Variants in WIF1 observed in about 807,000 individuals in gnomAD.
WIF1 encodes Wnt inhibitory factor 1.
Under a neutral mutation model 53.5 loss-of-function variants are expected in WIF1, and 35 were observed. That is an observed-to-expected ratio of 0.65 (90% CI 0.50 to 0.87). WIF1 has a LOEUF of 0.87. WIF1 is among the 40% of genes least tolerant of loss of function. The pLI, the probability that WIF1 is intolerant of heterozygous loss-of-function variation, is 0.00. For missense variants in WIF1, 467 were observed against 476.8 expected (o/e 0.98, Z 0.19); for synonymous variants, 171 against 170.4 (o/e 1.00, Z -0.03).
At position 65,121,151 on chromosome 12, in the gene WIF1, A is replaced by T; in HGVS notation, c.41T>A (p.Leu14His). ...RSAFPAAALW[L>H]WSILLCLLAL... ...CAGCAGGCACAGGAGGATGCTCCAGAGCCAGAGCGCGGCGGCAGGGAAGGC... is the reference window on the plus strand; with the variant it reads ...CAGCAGGCACAGGAGGATGCTCCAGTGCCAGAGCGCGGCGGCAGGGAAGGC... The change falls in exon 1 of 10, where the codon CTC becomes CAC. Residue 14 changes from leucine to histidine, a missense_variant. Physicochemically the swap from Leu to His is moderately conservative, Grantham distance 99. Coordinates refer to ENST00000286574, the MANE Select transcript of WIF1 (RefSeq NM_007191.5). 6.5e-7 allele frequency: 1 copy of T among 1,548,554 alleles called. No individual in the cohort carries two copies. Among genetic ancestry groups the T allele is most frequent in the Middle Eastern group, 1.8e-4 (1 of 5,686 alleles).
chr12:65,074,718 T>C (rs1592392311), intron 3 of WIF1, among the ~76,000 whole-genome samples: 1 of 140,898 alleles, frequency 7.1e-6, no homozygotes, highest in Admixed American at 8.0e-5. Context: ...CTCAGGAGGC[T>C]GAGGTGAAGA....
chr12:65,078,889 G>T (rs376574741), intron 2 of WIF1, among the ~76,000 whole-genome samples: 5 of 152,274 alleles, frequency 3.3e-5, no homozygotes, highest in African/African-American at 9.6e-5. Context: ...TGAAGGCCAG[G>T]CACGGTGGCT....
chr12:65,101,720 C>G (rs1020872856), intron 2 of WIF1, among the ~76,000 whole-genome samples: 1 of 151,964 alleles, frequency 6.6e-6, no homozygotes, highest in Non-Finnish European at 1.5e-5. Context: ...AATAAAAAAC[C>G]CTTATAATTT....
intron 3 of WIF1, among the ~76,000 whole-genome samples, chr12:65,071,860 C>G (rs1219117385): frequency 6.6e-6 from 1 of 152,074 alleles, no homozygotes; most frequent in Non-Finnish European, 1.5e-5. Context: ...TTATTTTTTT[C>G]ACTGAGGACA....
intron 2 of WIF1, among the ~76,000 whole-genome samples, chr12:65,102,864 T>C (rs1883302329): frequency 1.3e-5 from 2 of 152,182 alleles, no homozygotes; most frequent in Admixed American, 6.5e-5. Flanking sequence ...TGGACAACTA[T>C]CTATAACCAA....
At chr12:65,062,628 C>T in intron 6 of WIF1, 52 bp from the exon 7 acceptor site, 1 of 1,500,018 alleles carries the variant, frequency 6.7e-7, no homozygotes, top group South Asian at 1.2e-5. Flanking sequence ...TTAAATCTAA[C>T]ACAAATTTCA....
At chr12:65,116,202 G>A (rs1384312082) in intron 2 of WIF1, among the ~76,000 whole-genome samples, 1 of 152,030 alleles carries the variant, frequency 6.6e-6, no homozygotes, top group East Asian at 1.9e-4. Context: ...TATACACCAG[G>A]GGTCCCCAAC....
chr12:65,085,006 A>C (rs942209293), intron 2 of WIF1, among the ~76,000 whole-genome samples: 6 of 152,174 alleles, frequency 3.9e-5, no homozygotes, highest in Non-Finnish European at 8.8e-5. Context: ...TTCTGGCACA[A>C]ACCTTTGGCA....
intron 2 of WIF1, among the ~76,000 whole-genome samples, chr12:65,112,585 A>G (rs1450603393): frequency 6.6e-6 from 1 of 152,126 alleles, no homozygotes; most frequent in Non-Finnish European, 1.5e-5. Flanking sequence ...AATTTGCAAC[A>G]TGTTGAGTTC....
At chr12:65,054,984 G>T (rs1882501229) in intron 9 of WIF1, 134 bp downstream of exon 9, 13 of 820,620 alleles carry the variant, frequency 1.6e-5, no homozygotes, top group Non-Finnish European at 2.2e-5. Flanking sequence ...GGAAAGCAGG[G>T]CTGAGTTATA....
chr12:65,064,421 T>G (rs186508664), intron 6 of WIF1, among the ~76,000 whole-genome samples: 101 of 152,302 alleles, frequency 6.6e-4, no homozygotes, highest in African/African-American at 2.0e-3. Context: ...CTAAACTCCT[T>G]AGGTCCTAAA....
chr12:65,083,835 T>TCTTTTCTTTC (rs1565754723), intron 2 of WIF1: 14 of 94,710 alleles, frequency 1.5e-4, no homozygotes, highest in African/African-American at 4.4e-4. Context: ...TTTTCTCTTT[T>TCTTTTCTTTC]CTTTTCTTTT....
At chr12:65,084,485 C>T (rs993761748) in intron 2 of WIF1, among the ~76,000 whole-genome samples, 4 of 152,218 alleles carry the variant, frequency 2.6e-5, no homozygotes, top group Admixed American at 2.0e-4. Context: ...GTGATTTAAC[C>T]TCTACTGACC....
chr12:65,102,442 C>A (rs535826325), intron 2 of WIF1, among the ~76,000 whole-genome samples: 1 of 152,240 alleles, frequency 6.6e-6, no homozygotes, highest in Admixed American at 6.5e-5. Flanking sequence ...GAGGGGCAGC[C>A]TTTTTGTTCT....
chr12:65,112,839 A>C (rs1211943503), intron 2 of WIF1, among the ~76,000 whole-genome samples: 1 of 151,994 alleles, frequency 6.6e-6, no homozygotes, highest in Non-Finnish European at 1.5e-5. Context: ...TGCTGATGGG[A>C]CTCATTCTTT....
At chr12:65,085,669 G>T (rs1173719673) in intron 2 of WIF1, among the ~76,000 whole-genome samples, 1 of 152,132 alleles carries the variant, frequency 6.6e-6, no homozygotes, top group East Asian at 1.9e-4. Flanking sequence ...ATCTCAATTA[G>T]CCAACTTCTT....
chr12:65,114,766 A>G (rs1438604984), intron 2 of WIF1, among the ~76,000 whole-genome samples: 1 of 152,226 alleles, frequency 6.6e-6, no homozygotes, highest in Admixed American at 6.5e-5. Context: ...CAGTTATTGT[A>G]CGGTATATAC....
In WIF1 at chr12:65,078,963, G is replaced by A. The variant is rs186278197; in HGVS notation, c.289-1109C>T. Among the ~76,000 whole-genome samples the A allele has an allele frequency of 4.6e-5, 7 of 152,100 alleles. No individual in the cohort carries two copies. In the East Asian group the frequency reaches 7.7e-4, roughly 17 times the overall value. Reference sequence around the variant, plus strand: ...GCGGATCACTTGAGGTTAGGAGTTCGAGACCAGTCTGGCCAACATGGCGAA... The same window carrying A: ...GCGGATCACTTGAGGTTAGGAGTTCAAGACCAGTCTGGCCAACATGGCGAA... On this transcript the variant is annotated intron_variant, in intron 2 of 9. Transcript: ENST00000286574.
intron 2 of WIF1, among the ~76,000 whole-genome samples, chr12:65,097,941 T>A (rs1883229118): frequency 6.6e-6 from 1 of 152,038 alleles, no homozygotes. Flanking sequence ...ATGGAAGAAG[T>A]GAGGAAGAGA....
Sources: allele counts gnomAD v4.1 joint callset (sites outside exome capture counted in the v4.1 genomes callset), GRCh38; gene constraint gnomAD v4.1.1; transcripts MANE v1.5; gene names NCBI Gene and HGNC (gene_info 2026-07-23, HGNC 2026-07-21).